The following ARHGEF28 variants were observed in gnomAD, a reference collection of about 807,000 sequenced individuals.
ARHGEF28 encodes 190 kDa guanine nucleotide exchange factor.
A neutral mutation model predicts 206.6 loss-of-function variants in ARHGEF28; 152 were observed. The ratio of observed to expected loss-of-function variants is 0.74; its 90% confidence interval spans 0.64 to 0.84. The LOEUF is 0.84. Ranked by LOEUF, ARHGEF28 falls within the 40% of genes least tolerant of loss-of-function variation. ARHGEF28 has a pLI of 0.00. For missense variants in ARHGEF28, 2,028 were observed against 2,073.2 expected (o/e 0.98, Z 0.42); for synonymous variants, 763 against 776.4 (o/e 0.98, Z 0.29).
chr5:73,676,074 T>C (rs1056085485), intron 1 of ARHGEF28, among the ~76,000 whole-genome samples: 7 of 144,302 alleles, frequency 4.9e-5, no homozygotes, highest in South Asian at 4.3e-4. Flanking sequence ...CTTTTCTTTT[T>C]TTTTTTTTTT....
At chr5:73,635,267 CA>C (rs1228785707) in intron 1 of ARHGEF28, among the ~76,000 whole-genome samples, 1 of 152,150 alleles carries the variant, frequency 6.6e-6, no homozygotes, top group Non-Finnish European at 1.5e-5. Context: ...CGCTTGAACC[CA>C]GGGGGCGGAG....
chr5:73,883,540 A>G (rs1005746697), intron 23 of ARHGEF28, among the ~76,000 whole-genome samples: 1 of 152,184 alleles, frequency 6.6e-6, no homozygotes, highest in African/African-American at 2.4e-5. Flanking sequence ...ATTAACTACA[A>G]ATACATCAGT....
At chr5:73,866,493 C>T (rs929333679) in intron 18 of ARHGEF28, among the ~76,000 whole-genome samples, 20 of 152,308 alleles carry the variant, frequency 1.3e-4, no homozygotes, top group Middle Eastern at 3.4e-3. Flanking sequence ...AATTTGGAGT[C>T]TGTAGATTCT....
At chr5:73,704,209 G>A (rs1166780478) in intron 2 of ARHGEF28, among the ~76,000 whole-genome samples, 1 of 151,888 alleles carries the variant, frequency 6.6e-6, no homozygotes, top group Non-Finnish European at 1.5e-5. Flanking sequence ...CAGCCCTTTG[G>A]GAATCTACTC....
At chr5:73,711,811 C>T (rs1472905147) in intron 2 of ARHGEF28, among the ~76,000 whole-genome samples, 2 of 150,950 alleles carry the variant, frequency 1.3e-5, no homozygotes, top group Non-Finnish European at 3.0e-5. Context: ...TTATTCCTAT[C>T]TTTGTGCCAT....
At position 73,941,538 on chromosome 5, in the gene ARHGEF28, A is replaced by G. The variant is rs1742619836; in HGVS notation, c.*525A>G. ...GGTGATCTGTTACAGTCACTATTCA[A>G]CTGGGCACGTGTTGTGATTGGTCAG... On this transcript the variant is annotated 3_prime_UTR_variant, in exon 36 of 36. Transcript: ENST00000513042. The G allele has an allele frequency of 6.6e-6, 1 of 152,592 alleles. No homozygotes were observed. The highest frequency in any genetic ancestry group is 2.4e-5 in the African/African-American group (1 of 41,456). The allele number at this position is 152,592 out of a possible 1,614,324, so 9.5% of individuals were successfully genotyped here.
At chr5:73,657,208 TTCAATTGCATGTTTCATATTTCTTAGCA>T (rs1745277874) in intron 1 of ARHGEF28, among the ~76,000 whole-genome samples, 1 of 151,128 alleles carries the variant, frequency 6.6e-6, no homozygotes, top group Non-Finnish European at 1.5e-5. Context: ...TGTTGGACTC[TTCAATTGCATGTTTCATATTTCTTAGCA>T]TCTCTTTCCC....
chr5:73,908,044 C>CT (rs1405063526), intron 33 of ARHGEF28, among the ~76,000 whole-genome samples: 2 of 152,060 alleles, frequency 1.3e-5, no homozygotes, highest in African/African-American at 4.8e-5. Context: ...TCCTGAGTGG[C>CT]TTATTGTGTG....
chr5:73,857,603 A>G lies in ARHGEF28; in HGVS notation c.1791-53A>G, dbSNP rs566465922. On this transcript the variant is annotated intron_variant, in intron 14 of 35. Transcript: ENST00000513042. ...CACACACACATACACACACACGTAT[A>G]TGCTATTCTTCCTAAGTCATATGAG... The G allele has an allele frequency of 2.8e-5, 43 of 1,529,734 alleles. No individual in the cohort carries two copies. The African/African-American group carries it at 5.1e-4, about 18-fold the overall frequency. The allele number at this position is 1,529,734 out of a possible 1,614,324, so 94.8% of individuals were successfully genotyped here.
chr5:73,918,291 T>C (rs1255616036), intron 35 of ARHGEF28, among the ~76,000 whole-genome samples: 4 of 152,226 alleles, frequency 2.6e-5, no homozygotes, highest in African/African-American at 7.2e-5. Flanking sequence ...ATAGACAATA[T>C]GTAAATAATA....
At chr5:73,881,859 C>T (rs1249467485) in intron 22 of ARHGEF28, among the ~76,000 whole-genome samples, 1 of 152,226 alleles carries the variant, frequency 6.6e-6, no homozygotes, top group Non-Finnish European at 1.5e-5. Flanking sequence ...CACATCTCTA[C>T]TTTTCTTCAT....
chr5:73,874,258 A>G (rs1561475570), intron 22 of ARHGEF28, among the ~76,000 whole-genome samples: 2 of 152,092 alleles, frequency 1.3e-5, no homozygotes, highest in South Asian at 2.1e-4. Context: ...GTTTGTTTAC[A>G]TATTCTAGAC....
intron 3 of ARHGEF28, among the ~76,000 whole-genome samples, chr5:73,751,422 A>G (rs1752014492): frequency 6.6e-6 from 1 of 152,168 alleles, no homozygotes; most frequent in South Asian, 2.1e-4. Flanking sequence ...AACGAAAACA[A>G]AAACCAAAAC....
chr5:73,633,143 G>T (rs1561298048), intron 1 of ARHGEF28, among the ~76,000 whole-genome samples: 1 of 152,056 alleles, frequency 6.6e-6, no homozygotes, highest in Non-Finnish European at 1.5e-5. Context: ...GCCACTGCTC[G>T]GACGGGAGGT....
At chr5:73,775,772 C>T (rs1414104333) in intron 5 of ARHGEF28, among the ~76,000 whole-genome samples, 5 of 152,080 alleles carry the variant, frequency 3.3e-5, no homozygotes, top group African/African-American at 1.2e-4. Flanking sequence ...ATTACAGGAC[C>T]TTATAAGCCA....
intron 9 of ARHGEF28, among the ~76,000 whole-genome samples, chr5:73,797,554 C>T (rs1483516763): frequency 6.6e-6 from 1 of 152,158 alleles, no homozygotes; most frequent in African/African-American, 2.4e-5. Context: ...GCACCCATCA[C>T]CATGCCCAGG....
At chr5:73,648,956 G>A (rs564160826) in intron 1 of ARHGEF28, among the ~76,000 whole-genome samples, 48 of 152,266 alleles carry the variant, frequency 3.2e-4, no homozygotes, top group South Asian at 6.2e-4. Context: ...CATCTTTCAG[G>A]AAAATAAGAT....
intron 2 of ARHGEF28, among the ~76,000 whole-genome samples, chr5:73,742,045 CTCTT>C (rs1207420070): frequency 1.3e-5 from 2 of 152,088 alleles, no homozygotes; most frequent in East Asian, 1.9e-4. Context: ...CTTCAACTGA[CTCTT>C]TTTATGATGA....
chr5:73,812,553 A>T (rs572592374), intron 9 of ARHGEF28, among the ~76,000 whole-genome samples: 1 of 152,160 alleles, frequency 6.6e-6, no homozygotes, highest in South Asian at 2.1e-4. Context: ...GCTTGAGCTT[A>T]TTTGGGGCAT....
Sources: gnomAD v4.1 joint callset for allele counts (sites outside exome capture counted in the v4.1 genomes callset) on GRCh38, gnomAD v4.1.1 for gene constraint, MANE v1.5 for transcripts, NCBI Gene and HGNC (gene_info 2026-07-23, HGNC 2026-07-21) for gene names.